Variants in NKAIN2 observed in about 807,000 individuals in gnomAD.
NKAIN2 encodes the protein sodium/potassium-transporting ATPase subunit beta-1-interacting protein 2.
A neutral mutation model predicts 32.6 loss-of-function variants in NKAIN2; 14 were observed. The ratio of observed to expected loss-of-function variants is 0.43; its 90% CI spans 0.28 to 0.67. The LOEUF is 0.67. NKAIN2 is among the 30% of genes least tolerant of loss of function. The pLI is 0.17. For missense variants in NKAIN2, 198 were observed against 258.3 expected (o/e 0.77, Z 1.60); for synonymous variants, 80 against 87.2 (o/e 0.92, Z 0.46).
chr6:124,740,818 A>G (rs1020882895), intron 4 of NKAIN2, among the ~76,000 whole-genome samples: 2 of 151,880 alleles, frequency 1.3e-5, no homozygotes, highest in African/African-American at 4.8e-5. Context: ...AAAGGTTGTA[A>G]TAAAGAATGT....
chr6:124,347,481 A>G (rs982486053), intron 2 of NKAIN2, among the ~76,000 whole-genome samples: 3 of 152,092 alleles, frequency 2.0e-5, no homozygotes, highest in South Asian at 2.1e-4. Flanking sequence ...CCAATCAGAC[A>G]CAGATTTGGT....
intron 1 of NKAIN2, among the ~76,000 whole-genome samples, chr6:123,976,392 T>TATATATATAC (rs1778632372): frequency 1.9e-5 from 1 of 52,180 alleles, no homozygotes; most frequent in Non-Finnish European, 4.0e-5. Context: ...TATATATATA[T>TATATATATAC]ATATATATAT....
chr6:124,709,022 T>A (rs1034183553), intron 4 of NKAIN2, among the ~76,000 whole-genome samples: 10 of 135,406 alleles, frequency 7.4e-5, no homozygotes, highest in Non-Finnish European at 1.6e-4. Context: ...CGTCAATACC[T>A]AATTTATTGA....
At chr6:124,375,133 C>T (rs1036880018) in intron 3 of NKAIN2, among the ~76,000 whole-genome samples, 1 of 151,952 alleles carries the variant, frequency 6.6e-6, no homozygotes, top group Non-Finnish European at 1.5e-5. Context: ...AAGACAACTC[C>T]TTATCTTCAC....
chr6:124,022,492 C>T (rs1013104680), intron 1 of NKAIN2, among the ~76,000 whole-genome samples: 23 of 152,144 alleles, frequency 1.5e-4, no homozygotes, highest in African/African-American at 5.5e-4. Context: ...AATGGTTGAA[C>T]TAGTTTATAG....
intron 3 of NKAIN2, among the ~76,000 whole-genome samples, chr6:124,480,318 ACT>A (rs1777394340): frequency 6.6e-6 from 1 of 151,996 alleles, no homozygotes; most frequent in African/African-American, 2.4e-5. Context: ...CAGTGAAAAA[ACT>A]CTGAAGAAAT....
intron 1 of NKAIN2, among the ~76,000 whole-genome samples, chr6:124,229,447 ATATAT>A (rs1304039374): frequency 4.6e-5 from 7 of 152,200 alleles, no homozygotes; most frequent in East Asian, 1.9e-4. Flanking sequence ...CTTTCTGGTA[ATATAT>A]TATGTTCACA....
intron 1 of NKAIN2, among the ~76,000 whole-genome samples, chr6:123,907,271 T>C (rs1274818865): frequency 2.6e-5 from 4 of 152,188 alleles, no homozygotes; most frequent in African/African-American, 9.6e-5. Context: ...AGTTTTCCTA[T>C]ATATTTTTTC....
chr6:124,329,444 T>G (rs989681316), intron 2 of NKAIN2, among the ~76,000 whole-genome samples: 2 of 152,186 alleles, frequency 1.3e-5, no homozygotes, highest in Non-Finnish European at 2.9e-5. Context: ...AATGGAATTC[T>G]GGCTTTATTC....
chr6:124,659,296 T>C (rs1292786584), intron 4 of NKAIN2, among the ~76,000 whole-genome samples: 1 of 152,184 alleles, frequency 6.6e-6, no homozygotes, highest in Non-Finnish European at 1.5e-5. Context: ...ATCTGCTTTT[T>C]ACCTCTTTAG....
chr6:124,347,989 A>G (rs1798518547), intron 2 of NKAIN2, among the ~76,000 whole-genome samples: 1 of 151,988 alleles, frequency 6.6e-6, no homozygotes, highest in South Asian at 2.1e-4. Context: ...GTCTTTGATG[A>G]TGGTGATGTA....
chr6:124,779,854 C>A (rs1478679922), intron 4 of NKAIN2, among the ~76,000 whole-genome samples: 1 of 152,184 alleles, frequency 6.6e-6, no homozygotes, highest in Non-Finnish European at 1.5e-5. Flanking sequence ...AACTGCCCAG[C>A]TGAACTCAAT....
At chr6:124,280,674 C>G (rs1425425846) in intron 1 of NKAIN2, among the ~76,000 whole-genome samples, 2 of 152,140 alleles carry the variant, frequency 1.3e-5, no homozygotes, top group African/African-American at 4.8e-5. Flanking sequence ...TCCCTGCACT[C>G]CCAGGTCCAC....
intron 3 of NKAIN2, among the ~76,000 whole-genome samples, chr6:124,596,935 T>C (rs1782116393): frequency 6.6e-6 from 1 of 151,962 alleles, no homozygotes; most frequent in African/African-American, 2.4e-5. Flanking sequence ...CAGCCTGAGT[T>C]TAAGTCCAAA....
At chr6:124,009,072 A>G (rs1368803268) in intron 1 of NKAIN2, among the ~76,000 whole-genome samples, 1 of 152,228 alleles carries the variant, frequency 6.6e-6, no homozygotes, top group Non-Finnish European at 1.5e-5. Flanking sequence ...TTTGATGTAT[A>G]AATTAACACT....
chr6:124,682,709 A>G (rs932845619), intron 4 of NKAIN2, among the ~76,000 whole-genome samples: 22 of 152,218 alleles, frequency 1.4e-4, no homozygotes, highest in African/African-American at 5.3e-4. Context: ...GACAGTATCA[A>G]TTAATGCTCT....
At chr6:124,228,464 C>T (rs924545362) in intron 1 of NKAIN2, among the ~76,000 whole-genome samples, 5 of 152,150 alleles carry the variant, frequency 3.3e-5, no homozygotes, top group African/African-American at 1.2e-4. Context: ...GGCTCTTATA[C>T]TTTGTTATAG....
intron 1 of NKAIN2, among the ~76,000 whole-genome samples, chr6:123,979,591 A>G (rs1167017824): frequency 6.6e-6 from 1 of 152,130 alleles, no homozygotes. Context: ...TTTTCGATTT[A>G]AGAAGACCCG....
intron 3 of NKAIN2, among the ~76,000 whole-genome samples, chr6:124,638,902 A>AAG (rs1783881570): frequency 6.6e-6 from 1 of 151,164 alleles, no homozygotes; most frequent in Non-Finnish European, 1.5e-5. Flanking sequence ...AAAAAAAAAA[A>AAG]AAAAAAAGAT....
Sources: gnomAD v4.1 joint callset for allele counts (sites outside exome capture counted in the v4.1 genomes callset) on GRCh38, gnomAD v4.1.1 for gene constraint, MANE v1.5 for transcripts, NCBI Gene and HGNC (gene_info 2026-07-23, HGNC 2026-07-21) for gene names.